Variants in CNTN5 observed in about 807,000 individuals in gnomAD.
The protein encoded by CNTN5 is contactin-5.
In CNTN5, 77 loss-of-function variants were observed where a neutral mutation model predicts 129.1. The ratio of observed to expected loss-of-function variants is 0.60; its 90% CI spans 0.50 to 0.72. The LOEUF is 0.72. Ranked by LOEUF, CNTN5 falls within the 30% of genes least tolerant of loss-of-function variation. The pLI, the probability that CNTN5 is intolerant of heterozygous loss-of-function variation, is 0.00. For synonymous variants in CNTN5, 509 were observed against 465.6 expected (o/e 1.09, Z -1.20); for missense variants, 1,478 against 1,328.8 (o/e 1.11, Z -1.75).
Position 100,357,212 on chromosome 11 carries a change from G to T in CNTN5, c.*992G>T, listed in dbSNP as rs1450895107. On this transcript the variant is annotated 3_prime_UTR_variant, in exon 25 of 25. Coordinates refer to ENST00000524871, the MANE Select transcript of CNTN5 (RefSeq NM_014361.4). ...TTATGCATAGTCTGTAGATTAAAAT[G>T]GTTCAAGTATAACAAATAAGTTTTG... The T allele has an allele frequency of 6.6e-6, 1 of 151,692 alleles. No individual in the cohort carries two copies. The highest frequency in any genetic ancestry group is 2.4e-5 in the African/African-American group (1 of 41,374). 9.4% of individuals were successfully genotyped at this position (151,692 alleles called of 1,614,324 possible). A position where few individuals can be genotyped will look rare whatever the true frequency, so the allele number is the denominator to read the frequency against.
intron 8 of CNTN5, among the ~76,000 whole-genome samples, chr11:99,974,716 G>A (rs879654201): frequency 3.9e-5 from 6 of 152,176 alleles, no homozygotes; most frequent in Non-Finnish European, 8.8e-5. Context: ...CTGCTACATA[G>A]TGTGTTAATT....
At chr11:99,082,192 T>C (rs1210227611) in intron 1 of CNTN5, among the ~76,000 whole-genome samples, 3 of 146,114 alleles carry the variant, frequency 2.1e-5, no homozygotes, top group Non-Finnish European at 4.6e-5. Context: ...CAAAAGCTTT[T>C]TTTTTTTTTT....
intron 8 of CNTN5, among the ~76,000 whole-genome samples, chr11:99,968,615 T>A (rs995470840): frequency 6.6e-6 from 1 of 151,450 alleles, no homozygotes. Flanking sequence ...GATTAGTCTG[T>A]TTATCATAAA....
At chr11:99,663,491 A>AAAGAAAC (rs1385489451) in intron 3 of CNTN5, among the ~76,000 whole-genome samples, 1 of 152,156 alleles carries the variant, frequency 6.6e-6, no homozygotes, top group Non-Finnish European at 1.5e-5. Context: ...ACAAAACAAA[A>AAAGAAAC]AAGAAACAAA....
In CNTN5 at chr11:99,637,582, A is replaced by AT. The variant is rs1458172324; in HGVS notation, c.55+81320dup. On this transcript the variant is annotated intron_variant, in intron 3 of 24. Coordinates refer to ENST00000524871, the MANE Select transcript of CNTN5 (RefSeq NM_014361.4). ...CTGAAAAATAATTTTAAAAATCAGT[A>AT]TTTTTTTAAGTAGTAGGAAATGGGC... Among the ~76,000 whole-genome samples the AT allele has an allele frequency of 3.3e-5, 5 of 152,178 alleles. No homozygotes were observed. The East Asian group carries it at 7.7e-4, about 24-fold the overall frequency.
intron 15 of CNTN5, among the ~76,000 whole-genome samples, chr11:100,198,075 A>G (rs1400752815): frequency 6.6e-6 from 1 of 151,932 alleles, no homozygotes; most frequent in East Asian, 1.9e-4. Flanking sequence ...TAAACTACAC[A>G]TTTGTTCACT....
At chr11:99,963,629 T>A (rs969213610) in intron 8 of CNTN5, among the ~76,000 whole-genome samples, 2 of 152,206 alleles carry the variant, frequency 1.3e-5, no homozygotes, top group African/African-American at 4.8e-5. Flanking sequence ...TAGGATTGAC[T>A]TGGCGATGCG....
intron 6 of CNTN5, among the ~76,000 whole-genome samples, chr11:99,892,013 G>T (rs1467808293): frequency 6.6e-6 from 1 of 152,076 alleles, no homozygotes; most frequent in African/African-American, 2.4e-5. Flanking sequence ...ACTTTTTAAT[G>T]ATCGTCATTC....
At chr11:99,237,636 G>A (rs113237745) in intron 1 of CNTN5, among the ~76,000 whole-genome samples, 2,574 of 151,916 alleles carry the variant, frequency 0.017, 84 homozygotes, top group African/African-American at 0.059. Flanking sequence ...AGCTGAGATC[G>A]TGCCACCGCA....
At chr11:99,861,015 G>A (rs902998784) in intron 6 of CNTN5, among the ~76,000 whole-genome samples, 7 of 145,340 alleles carry the variant, frequency 4.8e-5, no homozygotes, top group Non-Finnish European at 8.9e-5. Context: ...GAGTGCAGTG[G>A]CGCAATCTCA....
intron 13 of CNTN5, among the ~76,000 whole-genome samples, chr11:100,078,498 A>G (rs970418840): frequency 2.0e-5 from 3 of 152,250 alleles, no homozygotes; most frequent in East Asian, 1.9e-4. Context: ...AAATCACATT[A>G]TTACTAATAA....
At chr11:99,542,497 C>G (rs1591250364) in intron 2 of CNTN5, among the ~76,000 whole-genome samples, 1 of 152,118 alleles carries the variant, frequency 6.6e-6, no homozygotes. Flanking sequence ...TAGGTTGTTC[C>G]AAAATAATTG....
At chr11:99,540,021 C>G (rs922532178) in intron 2 of CNTN5, among the ~76,000 whole-genome samples, 2 of 152,140 alleles carry the variant, frequency 1.3e-5, no homozygotes, top group African/African-American at 4.8e-5. Flanking sequence ...GTTACAGATA[C>G]TTCTTTCTCC....
At chr11:99,082,394 A>G (rs1180527672) in intron 1 of CNTN5, among the ~76,000 whole-genome samples, 1 of 152,136 alleles carries the variant, frequency 6.6e-6, no homozygotes, top group East Asian at 1.9e-4. Context: ...CATGTTGGCC[A>G]GGGTGGTCTC....
chr11:99,454,478 A>C (rs530941572), intron 2 of CNTN5, among the ~76,000 whole-genome samples: 18 of 152,030 alleles, frequency 1.2e-4, no homozygotes, highest in Non-Finnish European at 1.2e-4. Flanking sequence ...TTCGCTCGGC[A>C]CTTCTTCCTG....
At chr11:100,155,260 C>T (rs1046958719) in intron 13 of CNTN5, among the ~76,000 whole-genome samples, 1 of 152,132 alleles carries the variant, frequency 6.6e-6, no homozygotes, top group Non-Finnish European at 1.5e-5. Flanking sequence ...TTTCCCAACA[C>T]TATTTATTAC....
intron 1 of CNTN5, among the ~76,000 whole-genome samples, chr11:99,023,929 A>G (rs934895045): frequency 1.3e-5 from 2 of 152,170 alleles, no homozygotes; most frequent in Non-Finnish European, 2.9e-5. Flanking sequence ...ATAAAGTAAG[A>G]GAGTAATATG....
chr11:99,598,111 T>C (rs1950179659), intron 3 of CNTN5, among the ~76,000 whole-genome samples: 1 of 152,132 alleles, frequency 6.6e-6, no homozygotes, highest in African/African-American at 2.4e-5. Context: ...CCAGTTTCCT[T>C]CACTTGCAAA....
intron 2 of CNTN5, among the ~76,000 whole-genome samples, chr11:99,515,702 G>A (rs1035703666): frequency 6.6e-6 from 1 of 152,040 alleles, no homozygotes; most frequent in African/African-American, 2.4e-5. Flanking sequence ...ATCAAGATCA[G>A]CATTAAACCA....
Sources: gnomAD v4.1 joint callset for allele counts (sites outside exome capture counted in the v4.1 genomes callset) on GRCh38, gnomAD v4.1.1 for gene constraint, MANE v1.5 for transcripts, NCBI Gene and HGNC (gene_info 2026-07-23, HGNC 2026-07-21) for gene names.